RBMS3: variants seen among roughly 807,000 people sequenced by gnomAD.
The protein encoded by RBMS3 is RNA-binding motif, single-stranded-interacting protein 3.
A neutral mutation model predicts 66.8 loss-of-function variants in RBMS3; 27 were observed. The ratio of observed to expected loss-of-function variants is 0.40; its 90% CI spans 0.30 to 0.56. The LOEUF is 0.56. Among genes scored for constraint, RBMS3 ranks in the 20% least tolerant of loss-of-function variants. The pLI is 0.40. For synonymous variants in RBMS3, 188 were observed against 183.0 expected (o/e 1.03, Z -0.22); for missense variants, 513 against 549.5 (o/e 0.93, Z 0.66).
chr3:29,408,128 T>C (rs1399284256), intron 1 of RBMS3, among the ~76,000 whole-genome samples: 4 of 150,888 alleles, frequency 2.7e-5, no homozygotes, highest in African/African-American at 7.3e-5. Context: ...AAAAATTAGC[T>C]GGGTGTGGTG....
intron 3 of RBMS3, among the ~76,000 whole-genome samples, chr3:29,535,627 T>C (rs184233032): frequency 6.7e-6 from 1 of 149,052 alleles, no homozygotes; most frequent in Admixed American, 6.7e-5. Context: ...AAGCACTAGT[T>C]GTAAAGAATT....
At chr3:29,722,964 CT>C (rs751873039) in intron 4 of RBMS3, among the ~76,000 whole-genome samples, 2 of 150,836 alleles carry the variant, frequency 1.3e-5, no homozygotes, top group African/African-American at 2.4e-5. Flanking sequence ...TTTACTCACT[CT>C]TTTTTTTTCT....
chr3:29,601,511 T>C (rs1331947225), intron 4 of RBMS3, among the ~76,000 whole-genome samples: 1 of 151,772 alleles, frequency 6.6e-6, no homozygotes. Context: ...AAAGAAATAC[T>C]CAGTATGATG....
At chr3:29,605,855 A>G (rs1466599827) in intron 4 of RBMS3, among the ~76,000 whole-genome samples, 1 of 151,854 alleles carries the variant, frequency 6.6e-6, no homozygotes, top group Non-Finnish European at 1.5e-5. Flanking sequence ...TGCACTTCCA[A>G]GAAGATCGTC....
chr3:29,879,711 C>T (rs2059692366), intron 7 of RBMS3, among the ~76,000 whole-genome samples: 1 of 152,018 alleles, frequency 6.6e-6, no homozygotes, highest in Non-Finnish European at 1.5e-5. Flanking sequence ...CCAGGAACTT[C>T]AGTCTGTATC....
At chr3:29,967,874 A>G (rs112825407) in intron 12 of RBMS3, among the ~76,000 whole-genome samples, 16,301 of 152,042 alleles carry the variant, frequency 0.11, 1,612 homozygotes, top group African/African-American at 0.23. Context: ...GGTTAATCTT[A>G]CTAATGTCCT....
chr3:29,579,760 G>A (rs1212729239), intron 3 of RBMS3, among the ~76,000 whole-genome samples: 1 of 152,154 alleles, frequency 6.6e-6, no homozygotes, highest in African/African-American at 2.4e-5. Context: ...TTTGCTAGAT[G>A]GTTCCCAGAG....
chr3:29,988,135 C>T lies in RBMS3; in HGVS notation c.1099-8C>T. Reference sequence around the variant, plus strand: ...AGTTCACATGCATTTTTCTTTGATTCTCTCTAGTATATGACTGCTGCTGCT... The same window carrying T: ...AGTTCACATGCATTTTTCTTTGATTTTCTCTAGTATATGACTGCTGCTGCT... On this transcript the variant is annotated splice_polypyrimidine_tract_variant and splice_region_variant and intron_variant, in intron 12 of 14. Coordinates refer to ENST00000383767, the MANE Select transcript of RBMS3 (RefSeq NM_001003793.3). 1 of 1,605,618 alleles carries T rather than the reference C, an allele frequency of 6.2e-7. No homozygotes were observed. The highest frequency in any genetic ancestry group is 8.5e-7 in the Non-Finnish European group (1 of 1,172,658).
chr3:29,453,040 G>A (rs1438799232), intron 2 of RBMS3, among the ~76,000 whole-genome samples: 1 of 152,136 alleles, frequency 6.6e-6, no homozygotes, highest in East Asian at 1.9e-4. Context: ...TGATACATTG[G>A]AGAAAATCTA....
chr3:29,898,703 G>T (rs1457304062), intron 9 of RBMS3, among the ~76,000 whole-genome samples: 2 of 150,088 alleles, frequency 1.3e-5, no homozygotes, highest in African/African-American at 2.5e-5. Context: ...TTCAGTTTTT[G>T]TTCTTCCTGC....
rs558839351 is a variant in RBMS3, at chr3:29,444,788, C to CTTTTTTTTTTTTTTTTTTTTTTTTTTTTT, written c.248+9897_248+9898insTTTTTTTTTTTTTTTTTTTTTTTTTTTTT. The stretch of plus-strand genomic sequence containing the variant: ...AATTCTTTCAAGCGGAAATATATGC[C>CTTTTTTTTTTTTTTTTTTTTTTTTTTTTT]TTTTTTTTTTTTTTTTTTTTTTTTG... On this transcript the variant is annotated intron_variant, in intron 2 of 14. Transcript: ENST00000383767. 5.3e-4 allele frequency among the ~76,000 whole-genome samples: 27 copies of CTTTTTTTTTTTTTTTTTTTTTTTTTTTTT among 50,500 alleles called. 7 individuals are homozygous for CTTTTTTTTTTTTTTTTTTTTTTTTTTTTT. Among genetic ancestry groups the CTTTTTTTTTTTTTTTTTTTTTTTTTTTTT allele is most frequent in the Non-Finnish European group, 7.6e-4 (20 of 26,472 alleles). The allele number at this position is 50,500 out of a possible 152,430, so 33.1% of individuals were successfully genotyped here.
At chr3:29,803,830 C>A (rs762609988) in intron 6 of RBMS3, among the ~76,000 whole-genome samples, 3 of 151,894 alleles carry the variant, frequency 2.0e-5, no homozygotes, top group Admixed American at 2.0e-4. Context: ...ATGGTATATT[C>A]TCAAGAAACT....
intron 2 of RBMS3, among the ~76,000 whole-genome samples, chr3:29,461,010 C>A (rs2042350982): frequency 6.6e-6 from 1 of 152,220 alleles, no homozygotes; most frequent in Non-Finnish European, 1.5e-5. Flanking sequence ...TTTCATCTAA[C>A]TGCTCCAGTC....
At chr3:29,902,672 A>G (rs1241225718) in intron 10 of RBMS3, among the ~76,000 whole-genome samples, 1 of 151,842 alleles carries the variant, frequency 6.6e-6, no homozygotes, top group African/African-American at 2.4e-5. Flanking sequence ...TTTGCTTGCA[A>G]CTTTTCTTCT....
intron 2 of RBMS3, among the ~76,000 whole-genome samples, chr3:29,470,304 T>C (rs1019048619): frequency 1.3e-5 from 2 of 151,978 alleles, no homozygotes; most frequent in Non-Finnish European, 2.9e-5. Context: ...GCAATTGAAA[T>C]TCTATAGTTT....
chr3:29,633,731 C>T lies in RBMS3; in HGVS notation c.399+46526C>T, dbSNP rs181381030. Among the ~76,000 whole-genome samples, 9 of 151,980 alleles carry T rather than the reference C, an allele frequency of 5.9e-5. No homozygotes were observed. In the East Asian group the frequency reaches 1.7e-3, roughly 29 times the overall value. ...TCCCAGAAACAGAGAGAGGAATCCA[C>T]AGATGAATGCCCTGCCATGTTGTTG... On this transcript the variant is annotated intron_variant, in intron 4 of 14. Coordinates refer to ENST00000383767, the MANE Select transcript of RBMS3 (RefSeq NM_001003793.3).
At chr3:29,322,308 G>GT (rs917826689) in intron 1 of RBMS3, among the ~76,000 whole-genome samples, 11 of 151,468 alleles carry the variant, frequency 7.3e-5, no homozygotes, top group South Asian at 2.1e-4. Flanking sequence ...TGTTGTCTGT[G>GT]TTTTTTTTGT....
At chr3:29,562,890 G>A (rs1158188788) in intron 3 of RBMS3, among the ~76,000 whole-genome samples, 2 of 152,118 alleles carry the variant, frequency 1.3e-5, no homozygotes, top group Non-Finnish European at 2.9e-5. Context: ...AGCCATTCTT[G>A]AAATATCAAC....
chr3:29,607,876 T>C (rs2149128357), intron 4 of RBMS3, among the ~76,000 whole-genome samples: 1 of 152,036 alleles, frequency 6.6e-6, no homozygotes, highest in East Asian at 1.9e-4. Context: ...TTGCTGCTAG[T>C]CTTAAGAAAA....
Sources: gnomAD v4.1 joint callset for allele counts (sites outside exome capture counted in the v4.1 genomes callset) on GRCh38, gnomAD v4.1.1 for gene constraint, MANE v1.5 for transcripts, NCBI Gene and HGNC (gene_info 2026-07-23, HGNC 2026-07-21) for gene names.